The following ZNF407 variants were observed in gnomAD, a reference collection of about 807,000 sequenced individuals.
ZNF407 encodes the protein zinc finger protein 407.
In ZNF407, 17 loss-of-function variants were observed where a neutral mutation model predicts 131.2. That is an observed-to-expected ratio of 0.13 (90% CI 0.09 to 0.19). The LOEUF is 0.19. ZNF407 is among the 10% of genes least tolerant of loss of function. The pLI is 1.00. For missense variants in ZNF407, 2,681 were observed against 2,830.6 expected, an observed-to-expected ratio of 0.95 and a Z score of 1.20; for synonymous variants, 1,156 against 1,062.0, an observed-to-expected ratio of 1.09 and a Z score of -1.72.
intron 3 of ZNF407, among the ~76,000 whole-genome samples, chr18:74,721,585 C>G: frequency 6.6e-6 from 1 of 152,172 alleles, no homozygotes; most frequent in Non-Finnish European, 1.5e-5. Context: ...TATAGTGTTT[C>G]TGTGAAAAAT....
chr18:74,860,108 C>G (rs1424561347), intron 4 of ZNF407, among the ~76,000 whole-genome samples: 4 of 152,090 alleles, frequency 2.6e-5, no homozygotes, highest in African/African-American at 9.7e-5. Context: ...GAGTTTGAGA[C>G]CAGCCTGGGC....
At chr18:74,655,146 A>T (rs764162368) in intron 3 of ZNF407, among the ~76,000 whole-genome samples, 1 of 152,048 alleles carries the variant, frequency 6.6e-6, no homozygotes, top group Non-Finnish European at 1.5e-5. Context: ...ATGCATTATT[A>T]TAAGAATCCT....
At chr18:74,875,871 T>C (rs1971149079) in intron 4 of ZNF407, among the ~76,000 whole-genome samples, 2 of 152,200 alleles carry the variant, frequency 1.3e-5, no homozygotes, top group African/African-American at 2.4e-5. Context: ...TAACTATTTT[T>C]ATTTCTATTA....
intron 3 of ZNF407, among the ~76,000 whole-genome samples, chr18:74,710,051 A>G (rs1967721069): frequency 6.6e-6 from 1 of 152,228 alleles, no homozygotes; most frequent in Admixed American, 6.5e-5. Context: ...TTATGTGTTC[A>G]TGTAAATACA....
At chr18:74,955,763 G>A (rs1352189081) in intron 8 of ZNF407, among the ~76,000 whole-genome samples, 1 of 152,182 alleles carries the variant, frequency 6.6e-6, no homozygotes, top group East Asian at 1.9e-4. Flanking sequence ...TTCTGGATCT[G>A]CACATTCTCG....
At chr18:74,915,242 G>C (rs1971731421) in intron 7 of ZNF407, among the ~76,000 whole-genome samples, 1 of 152,100 alleles carries the variant, frequency 6.6e-6, no homozygotes, top group South Asian at 2.1e-4. Context: ...CTCAGGAATG[G>C]GCCTAGTATC....
At position 74,706,229 on chromosome 18, in the gene ZNF407, A is replaced by G. The variant is rs111965478; in HGVS notation, c.4802+65107A>G. Among the ~76,000 whole-genome samples, 33 of 152,332 alleles carry G rather than the reference A, an allele frequency of 2.2e-4. 1 individual carries two copies. The highest frequency in any genetic ancestry group is 7.5e-4 in the African/African-American group (31 of 41,588). On this transcript the variant is annotated intron_variant, in intron 3 of 8. Transcript: ENST00000299687. ...TTTTATAGGATTCTTCACCTTTTTCATTCTAGTTCACTGTCTTTTCTGCTA... is the reference window on the plus strand; with the variant it reads ...TTTTATAGGATTCTTCACCTTTTTCGTTCTAGTTCACTGTCTTTTCTGCTA...
chr18:74,753,966 C>T (rs1010886855), intron 3 of ZNF407, among the ~76,000 whole-genome samples: 2 of 152,158 alleles, frequency 1.3e-5, no homozygotes, highest in African/African-American at 4.8e-5. Context: ...GGCTGTGAAT[C>T]CGTCTGGTCC....
Position 74,652,125 on chromosome 18 carries a change from A to C in ZNF407, c.4802+11003A>C, listed in dbSNP as rs561255418. ...GTACAGTATAGTCCCCCTTTTTTCT[A>C]CCCTTTTAAAGAGGCTTTTGAAAAT... On this transcript the variant is annotated intron_variant, in intron 3 of 8. Transcript: ENST00000299687. Among the ~76,000 whole-genome samples the C allele has an allele frequency of 1.9e-4, 29 of 152,064 alleles. No individual in the cohort carries two copies. In the Middle Eastern group the frequency reaches 0.01, roughly 54 times the overall value.
intron 8 of ZNF407, among the ~76,000 whole-genome samples, chr18:75,034,366 C>T (rs375061570): frequency 4.2e-5 from 6 of 144,154 alleles, no homozygotes; most frequent in South Asian, 2.2e-4. Context: ...TGCAGTGGCG[C>T]GACCTCGACT....
intron 3 of ZNF407, among the ~76,000 whole-genome samples, chr18:74,655,051 T>C (rs974307974): frequency 2.0e-5 from 3 of 152,032 alleles, no homozygotes; most frequent in Admixed American, 2.0e-4. Flanking sequence ...AATGCCATTA[T>C]TTATTTTAGT....
chr18:75,014,963 CT>C (rs776176888), intron 8 of ZNF407, among the ~76,000 whole-genome samples: 6 of 151,950 alleles, frequency 3.9e-5, no homozygotes, highest in Non-Finnish European at 8.8e-5. Context: ...AACAAATATT[CT>C]ACAATGGAAG....
intron 8 of ZNF407, among the ~76,000 whole-genome samples, chr18:75,030,755 G>A (rs908861598): frequency 1.8e-4 from 27 of 152,130 alleles, no homozygotes; most frequent in East Asian, 7.7e-4. Context: ...AAGGCCTTCC[G>A]AGAAGACAGT....
intron 8 of ZNF407, among the ~76,000 whole-genome samples, chr18:74,974,290 A>G (rs1315780711): frequency 1.3e-5 from 2 of 152,186 alleles, no homozygotes; most frequent in Non-Finnish European, 2.9e-5. Context: ...CATACAGTTC[A>G]ATAAACGCAT....
chr18:74,833,096 G>A (rs1970507921), intron 4 of ZNF407, among the ~76,000 whole-genome samples: 1 of 152,176 alleles, frequency 6.6e-6, no homozygotes, highest in Non-Finnish European at 1.5e-5. Flanking sequence ...AGCATGAGGA[G>A]ACAAACTGAG....
At chr18:74,616,095 T>C (rs1251841290) in intron 1 of ZNF407, among the ~76,000 whole-genome samples, 1 of 152,150 alleles carries the variant, frequency 6.6e-6, no homozygotes, top group Non-Finnish European at 1.5e-5. Context: ...TGTCAATGGG[T>C]GATTGTTACT....
chr18:74,931,946 T>C (rs1445788590), intron 8 of ZNF407, among the ~76,000 whole-genome samples: 1 of 152,196 alleles, frequency 6.6e-6, no homozygotes. Flanking sequence ...CTCTGAAATA[T>C]GATTTGCAAA....
At chr18:74,861,713 T>C (rs547941994) in intron 4 of ZNF407, among the ~76,000 whole-genome samples, 1 of 152,368 alleles carries the variant, frequency 6.6e-6, no homozygotes, top group African/African-American at 2.4e-5. Context: ...AGGATGTTTG[T>C]ACTGCTATAT....
intron 8 of ZNF407, chr18:75,060,414 T>C (rs767237794): frequency 5.9e-5 from 9 of 152,170 alleles, no homozygotes; most frequent in Non-Finnish European, 1.0e-4. Flanking sequence ...ATGCGAGGTT[T>C]CCGTGGACGC....
Sources: gnomAD v4.1 joint callset for allele counts (sites outside exome capture counted in the v4.1 genomes callset) on GRCh38, gnomAD v4.1.1 for gene constraint, MANE v1.5 for transcripts, NCBI Gene and HGNC (gene_info 2026-07-23, HGNC 2026-07-21) for gene names.